Variants in PTPN4 observed in about 807,000 individuals in gnomAD.
PTPN4 encodes the protein protein tyrosine phosphatase non-receptor type 4.
PTPN4 carries 49 observed loss-of-function variants against 135.5 expected under a neutral mutation model. The ratio of observed to expected loss-of-function variants is 0.36; its 90% CI spans 0.29 to 0.46. The LOEUF (loss-of-function observed/expected upper bound fraction) is 0.46, where lower values mean the gene tolerates loss of function less well. PTPN4 is among the 20% of genes least tolerant of loss of function. The pLI, the probability that PTPN4 is intolerant of heterozygous loss-of-function variation, is 1.00. For synonymous variants in PTPN4, 333 were observed against 369.9 expected (o/e 0.90, Z 1.14); for missense variants, 860 against 1,101.0 (o/e 0.78, Z 3.10).
intron 1 of PTPN4, among the ~76,000 whole-genome samples, chr2:119,794,461 C>T (rs1691215607): frequency 6.6e-6 from 1 of 152,116 alleles, no homozygotes; most frequent in African/African-American, 2.4e-5. Flanking sequence ...GCCAGGCATG[C>T]TGGCTGTTGC....
At chr2:119,882,718 T>C in intron 8 of PTPN4, 95 bp downstream of exon 8, 3 of 1,033,014 alleles carry the variant, frequency 2.9e-6, no homozygotes, top group Non-Finnish European at 2.7e-6. Context: ...GTATTTAATA[T>C]AGAACAATTA....
chr2:119,890,727 A>G (rs1218540061), intron 9 of PTPN4, among the ~76,000 whole-genome samples: 1 of 152,058 alleles, frequency 6.6e-6, no homozygotes, highest in Admixed American at 6.5e-5. Flanking sequence ...AAATGTCATC[A>G]TTTTACTTCC....
chr2:119,813,355 C>T (rs1676930392), intron 2 of PTPN4, among the ~76,000 whole-genome samples: 1 of 151,948 alleles, frequency 6.6e-6, no homozygotes, highest in Admixed American at 6.6e-5. Flanking sequence ...TCGAGCGATT[C>T]TCCTGCCTCA....
intron 9 of PTPN4, among the ~76,000 whole-genome samples, chr2:119,890,679 C>G (rs891245054): frequency 6.6e-6 from 1 of 151,838 alleles, no homozygotes; most frequent in African/African-American, 2.4e-5. Flanking sequence ...ATTTCTTTAC[C>G]CATTAAGTTT....
chr2:119,932,251 C>T (rs2105037704), intron 13 of PTPN4, 173 bp from the exon 14 acceptor site: 1 of 514,610 alleles, frequency 1.9e-6, no homozygotes, highest in Non-Finnish European at 3.3e-6. Flanking sequence ...AGCCAATGTA[C>T]ATTCTTAGGA....
chr2:119,808,045 T>A (rs928562632), intron 1 of PTPN4, among the ~76,000 whole-genome samples: 1 of 152,208 alleles, frequency 6.6e-6, no homozygotes, highest in African/African-American at 2.4e-5. Context: ...CTAAAAACTT[T>A]CAATAAACTA....
Position 119,934,788 on chromosome 2 carries a change from C to A in PTPN4, c.1197-12C>A. 7 of 1,611,880 alleles carry A rather than the reference C, an allele frequency of 4.3e-6. No individual in the cohort carries two copies. Among genetic ancestry groups the A allele is most frequent in the Non-Finnish European group, 5.9e-6 (7 of 1,178,834 alleles). The stretch of plus-strand genomic sequence containing the variant: ...GCATATTTTTATTCAGTTTTTCTCC[C>A]TCTTTATTTAGTCGAAATTCTACAT... On this transcript the variant is annotated splice_polypyrimidine_tract_variant and intron_variant, in intron 14 of 26. Coordinates refer to ENST00000263708, the MANE Select transcript of PTPN4 (RefSeq NM_002830.4).
chr2:119,971,815 T>TTG (rs1679538454), intron 26 of PTPN4, among the ~76,000 whole-genome samples: 2 of 152,392 alleles, frequency 1.3e-5, no homozygotes, highest in South Asian at 4.1e-4. Flanking sequence ...GAGCTAATTA[T>TTG]TGTGTGTGGT....
intron 2 of PTPN4, among the ~76,000 whole-genome samples, chr2:119,827,958 C>T (rs1446107984): frequency 2.0e-5 from 3 of 152,200 alleles, no homozygotes; most frequent in Non-Finnish European, 2.9e-5. Context: ...GTCCCTCACC[C>T]CTTGAATCTT....
Position 119,952,061 on chromosome 2 carries a change from T to C in PTPN4, c.1745T>C (p.Val582Ala), listed in dbSNP as rs1422492111. ...RDIAEHTHDQVVLFIKASCER... is the reference protein window; with the variant it reads ...RDIAEHTHDQAVLFIKASCER... Reference sequence around the variant, plus strand: ...ATTGCAGAACACACTCATGATCAGGTTGTGCTGTTTATTAAAGCTAGTTGT... The same window carrying C: ...ATTGCAGAACACACTCATGATCAGGCTGTGCTGTTTATTAAAGCTAGTTGT... Residue 582 changes from valine (V) to alanine (A), a missense_variant, in exon 19 of 27, where the codon GTT (valine) becomes GCT (alanine). Coordinates refer to ENST00000263708, the MANE Select transcript of PTPN4 (RefSeq NM_002830.4). 4 of 1,613,358 alleles carry C rather than the reference T, an allele frequency of 2.5e-6. No homozygotes were observed. The highest frequency in any genetic ancestry group is 2.5e-6 in the Non-Finnish European group (3 of 1,179,498).
chr2:119,922,434 G>T (rs1316164498), intron 12 of PTPN4, among the ~76,000 whole-genome samples: 3 of 150,984 alleles, frequency 2.0e-5, no homozygotes, highest in Non-Finnish European at 3.0e-5. Context: ...TGACACATAA[G>T]AAATGATCAT....
intron 26 of PTPN4, among the ~76,000 whole-genome samples, chr2:119,968,588 G>A (rs755343380): frequency 6.6e-6 from 1 of 152,094 alleles, no homozygotes; most frequent in African/African-American, 2.4e-5. Flanking sequence ...TCAGGAGATC[G>A]AGACCATCCT....
At chr2:119,968,438 G>A (rs564317048) in intron 26 of PTPN4, among the ~76,000 whole-genome samples, 1 of 152,282 alleles carries the variant, frequency 6.6e-6, no homozygotes, top group African/African-American at 2.4e-5. Flanking sequence ...AGTCTTGATA[G>A]ACCTGCTTTC....
rs187888925 is a variant in PTPN4 at position 119,760,064 on chromosome 2, C to A, written c.-338C>A. 1.5e-3 allele frequency: 585 copies of A among 383,928 alleles called. 2 individuals are homozygous for A. The highest frequency in any genetic ancestry group is 0.011 in the African/African-American group (536 of 48,092). 23.8% of individuals were successfully genotyped at this position (383,928 alleles called of 1,614,324 possible). ...GAGGAAAGAGACTTGGCTTTGGCCGCGGGGTCGGAGGATTGGGGCCAGGCC... is the reference window on the plus strand; with the variant it reads ...GAGGAAAGAGACTTGGCTTTGGCCGAGGGGTCGGAGGATTGGGGCCAGGCC... On this transcript the variant is annotated 5_prime_UTR_variant, in exon 1 of 27. Coordinates refer to ENST00000263708, the MANE Select transcript of PTPN4 (RefSeq NM_002830.4).
intron 1 of PTPN4, among the ~76,000 whole-genome samples, chr2:119,792,825 G>T (rs1691173702): frequency 6.6e-6 from 1 of 152,200 alleles, no homozygotes; most frequent in African/African-American, 2.4e-5. Flanking sequence ...AGTAGGTTCT[G>T]TGATGCCCCC....
intron 2 of PTPN4, among the ~76,000 whole-genome samples, chr2:119,844,572 AC>A (rs1366247319): frequency 6.8e-6 from 1 of 146,928 alleles, no homozygotes; most frequent in African/African-American, 2.6e-5. Context: ...CACCTCCCAG[AC>A]GGGGTCTCGG....
At chr2:119,887,238 G>A (rs888861274) in intron 9 of PTPN4, among the ~76,000 whole-genome samples, 2 of 152,050 alleles carry the variant, frequency 1.3e-5, no homozygotes, top group East Asian at 1.9e-4. Context: ...CCTATAATCC[G>A]AACACCTTGG....
intron 1 of PTPN4, among the ~76,000 whole-genome samples, chr2:119,783,024 G>A (rs1367406211): frequency 1.3e-5 from 2 of 148,948 alleles, no homozygotes; most frequent in Non-Finnish European, 3.0e-5. Context: ...CTAAATTCCA[G>A]ATGAGTGCAT....
intron 3 of PTPN4, among the ~76,000 whole-genome samples, chr2:119,870,597 A>G (rs1677896158): frequency 6.6e-6 from 1 of 152,214 alleles, no homozygotes; most frequent in South Asian, 2.1e-4. Flanking sequence ...ATGACATAGT[A>G]CTTAAAATAG....
Sources: gnomAD v4.1 joint callset for allele counts (sites outside exome capture counted in the v4.1 genomes callset) on GRCh38, gnomAD v4.1.1 for gene constraint, MANE v1.5 for transcripts, NCBI Gene and HGNC (gene_info 2026-07-23, HGNC 2026-07-21) for gene names.